PLA2G4C: variants seen among roughly 807,000 people sequenced by gnomAD.
PLA2G4C encodes the protein phospholipase A2 group IVC.
Under a neutral mutation model 73.8 loss-of-function variants are expected in PLA2G4C, and 64 were observed. The observed-to-expected ratio is 0.87, with a 90% CI of 0.71 to 1.07. The LOEUF (loss-of-function observed/expected upper bound fraction) is 1.07, where lower values mean the gene tolerates loss of function less well. Ranked by LOEUF, PLA2G4C falls within the 50% of genes least tolerant of loss-of-function variation. The pLI is 0.00. For missense variants in PLA2G4C, 622 were observed against 665.4 expected, an observed-to-expected ratio of 0.93 and a Z score of 0.72; for synonymous variants, 254 against 252.1, an observed-to-expected ratio of 1.01 and a Z score of -0.07.
At chr19:48,051,070 A>C (rs1158888305) in intron 16 of PLA2G4C, among the ~76,000 whole-genome samples, 5 of 152,154 alleles carry the variant, frequency 3.3e-5, no homozygotes, top group Admixed American at 3.3e-4. Flanking sequence ...GGGTGGGCCC[A>C]GTGGAATCCC....
intron 16 of PLA2G4C, 53 bp downstream of exon 16, chr19:48,052,944 A>G: frequency 1.3e-6 from 2 of 1,552,882 alleles, no homozygotes; most frequent in Non-Finnish European, 1.8e-6. Flanking sequence ...GTTCTCCAAC[A>G]GATACTTACT....
chr19:48,054,218 T>C (rs186883892), intron 15 of PLA2G4C, among the ~76,000 whole-genome samples: 1 of 152,252 alleles, frequency 6.6e-6, no homozygotes, highest in Admixed American at 6.5e-5. Context: ...TCCCCAAGTG[T>C]CGTGGGAGGT....
At chr19:48,094,620 G>C (rs971851351) in intron 7 of PLA2G4C, among the ~76,000 whole-genome samples, 1 of 152,140 alleles carries the variant, frequency 6.6e-6, no homozygotes, top group African/African-American at 2.4e-5. Flanking sequence ...GGCATGGTTG[G>C]TCCTATGTAG....
At chr19:48,058,294 C>T (rs908977816) in intron 14 of PLA2G4C, among the ~76,000 whole-genome samples, 12 of 150,564 alleles carry the variant, frequency 8.0e-5, no homozygotes, top group East Asian at 2.0e-4. Context: ...AGCGAAACTC[C>T]GTCTCAAAAA....
chr19:48,076,438 A>G (rs1213409374), intron 11 of PLA2G4C, among the ~76,000 whole-genome samples: 4 of 152,214 alleles, frequency 2.6e-5, no homozygotes, highest in African/African-American at 9.6e-5. Context: ...CCAAGAGGAG[A>G]AGCAACGAGA....
At chr19:48,074,618 GT>G in intron 12 of PLA2G4C, 148 bp downstream of exon 12, 8 of 671,466 alleles carry the variant, frequency 1.2e-5, no homozygotes, top group Non-Finnish European at 2.2e-5. Flanking sequence ...AACATGAGAT[GT>G]GGAAGGGAAC....
At chr19:48,103,229 T>C (rs767069953) in intron 4 of PLA2G4C, among the ~76,000 whole-genome samples, 4 of 151,852 alleles carry the variant, frequency 2.6e-5, no homozygotes, top group Admixed American at 6.6e-5. Context: ...AATCATGGGG[T>C]TCCTATCTCA....
At chr19:48,070,145 T>A (rs1307232574) in intron 12 of PLA2G4C, among the ~76,000 whole-genome samples, 1 of 152,152 alleles carries the variant, frequency 6.6e-6, no homozygotes, top group African/African-American at 2.4e-5. Flanking sequence ...CTTATAGATT[T>A]ATGAGGAATA....
rs1331639447 is a variant in PLA2G4C, at chr19:48,072,573, C to T, written c.1006+2194G>A. The T allele has an allele frequency of 1.3e-5, 2 of 152,172 alleles. No individual in the cohort carries two copies. Among genetic ancestry groups the T allele is most frequent in the East Asian group, 3.8e-4 (2 of 5,202 alleles). The allele number at this position is 152,172 out of a possible 1,614,324, so 9.4% of individuals were successfully genotyped here. A position where few individuals can be genotyped will look rare whatever the true frequency, so the allele number is the denominator to read the frequency against. ...TCTTCAAGTTGCTTCTGAGCTATCA[C>T]CTTGGAAAAGGAGGCTTCTTCATTA... On this transcript the variant is annotated intron_variant, in intron 12 of 16. Coordinates refer to ENST00000599921, the MANE Select transcript of PLA2G4C (RefSeq NM_003706.3). This position sits in a 1 kb window ranked among gnomAD's most constrained non-coding sequence, Gnocchi z 4.4.
intron 6 of PLA2G4C, among the ~76,000 whole-genome samples, chr19:48,096,115 A>G (rs2031553365): frequency 6.6e-6 from 1 of 152,010 alleles, no homozygotes; most frequent in African/African-American, 2.4e-5. Flanking sequence ...GTCTCCCAGG[A>G]GACTGGGAGA....
chr19:48,062,164 A>G lies in PLA2G4C; in HGVS notation c.1103-12T>C, dbSNP rs1968209375. On this transcript the variant is annotated splice_polypyrimidine_tract_variant and intron_variant, in intron 13 of 16. Coordinates refer to ENST00000599921, the MANE Select transcript of PLA2G4C (RefSeq NM_003706.3). ...GTCCCGGATGCCACCTGTGGTGCCC[A>G]GGAAGAAAGAGGATCAGCTGCTTCT... The G allele has an allele frequency of 1.3e-6, 2 of 1,537,706 alleles. No individual in the cohort carries two copies. The highest frequency in any genetic ancestry group is 8.8e-7 in the Non-Finnish European group (1 of 1,141,058).
At chr19:48,051,570 C>A (rs1456343230) in intron 16 of PLA2G4C, among the ~76,000 whole-genome samples, 3 of 150,224 alleles carry the variant, frequency 2.0e-5, no homozygotes, top group South Asian at 2.1e-4. Context: ...AGAGAGAGAT[C>A]GAGAGAGAGA....
chr19:48,101,124 A>ATT lies in PLA2G4C; in HGVS notation c.258-1265_258-1264insAA, dbSNP rs1264472851. Among the ~76,000 whole-genome samples, 133 of 59,428 alleles carry ATT rather than the reference A, an allele frequency of 2.2e-3. 1 individual carries two copies. Among genetic ancestry groups the ATT allele is most frequent in the African/African-American group, 0.012 (121 of 9,956 alleles). 39.0% of individuals were successfully genotyped at this position (59,428 alleles called of 152,430 possible). On this transcript the variant is annotated intron_variant, in intron 4 of 16. Transcript: ENST00000599921. ...AGAGTCTATATATATATATATATAT[A>ATT]TATTTTTTTTTTTTTTTTTGAGACA...
At position 48,088,716 on chromosome 19, in the gene PLA2G4C, CA is replaced by C. The variant is rs750738918; in HGVS notation, c.764-5del. 7 of 1,600,456 alleles carry C rather than the reference CA, an allele frequency of 4.4e-6. No individual in the cohort carries two copies. In the African/African-American group the frequency reaches 8.0e-5, roughly 18 times the overall value. ...AGGGTCAGATTCCTTAACTGGTCTGCAAAAGAGTAGAAGCAGGAGGAATGTT... is the reference window on the plus strand; with the variant it reads ...AGGGTCAGATTCCTTAACTGGTCTGCAAAGAGTAGAAGCAGGAGGAATGTT... On this transcript the variant is annotated splice_polypyrimidine_tract_variant and splice_region_variant and intron_variant, in intron 8 of 16. Transcript: ENST00000599921.
At chr19:48,056,646 C>T (rs1247078249) in intron 14 of PLA2G4C, among the ~76,000 whole-genome samples, 1 of 151,328 alleles carries the variant, frequency 6.6e-6, no homozygotes, top group Non-Finnish European at 1.5e-5. Flanking sequence ...TCCTGGCTAA[C>T]ACAGTGAAAC....
chr19:48,049,825 G>A (rs1967654380), intron 16 of PLA2G4C, among the ~76,000 whole-genome samples: 1 of 152,170 alleles, frequency 6.6e-6, no homozygotes, highest in Admixed American at 6.5e-5. Context: ...CAAGGAGAGA[G>A]GTCTCAGGAG....
intron 10 of PLA2G4C, among the ~76,000 whole-genome samples, chr19:48,081,806 T>G (rs1455432293): frequency 7.9e-6 from 1 of 126,470 alleles, no homozygotes; most frequent in South Asian, 2.6e-4. Context: ...TGGGGCCAGG[T>G]GTGGTGGCTC....
Position 48,099,869 on chromosome 19 carries a change from C to CA in PLA2G4C, c.258-10dup. ...AGAGAGAAGATATTGCCCTGGAGGACAGAGGAAGAGAGTGAGTTGGGCATT... is the reference window on the plus strand; with the variant it reads ...AGAGAGAAGATATTGCCCTGGAGGACAAGAGGAAGAGAGTGAGTTGGGCATT... On this transcript the variant is annotated splice_polypyrimidine_tract_variant and intron_variant, in intron 4 of 16. Coordinates refer to ENST00000599921, the MANE Select transcript of PLA2G4C (RefSeq NM_003706.3). 6.2e-7 allele frequency: 1 copy of CA among 1,602,938 alleles called. No individual in the cohort carries two copies. The highest frequency in any genetic ancestry group is 8.5e-7 in the Non-Finnish European group (1 of 1,171,368).
rs757163923 is a variant in PLA2G4C at position 48,053,076 on chromosome 19, C to A, written c.1501G>T (p.Val501Leu). Residue 501 changes from valine to leucine, a missense_variant, in exon 16 of 17, where the codon GTG becomes TTG. Transcript: ENST00000599921. ...TTCTTGGCTAATGCCAAGAGTAGCA[C>A]CACCACATCTAGAGTGTAGGTGTCA... Reference protein sequence around the residue: ...LADTYTLDVVVLLLALAKKNV... With the variant: ...LADTYTLDVVLLLLALAKKNV... 6.2e-7 allele frequency: 1 copy of A among 1,613,294 alleles called. No individual in the cohort carries two copies. The highest frequency in any genetic ancestry group is 8.5e-7 in the Non-Finnish European group (1 of 1,179,322).
Sources: gnomAD v4.1 joint callset for allele counts (sites outside exome capture counted in the v4.1 genomes callset) on GRCh38, gnomAD v4.1.1 for gene constraint, Gnocchi (gnomAD v3.1) non-coding constraint, MANE v1.5 for transcripts, NCBI Gene and HGNC (gene_info 2026-07-23, HGNC 2026-07-21) for gene names.